The following REEP1 variants were observed in gnomAD, a reference collection of about 807,000 sequenced individuals.
REEP1 encodes receptor accessory protein 1.
REEP1 carries 22 observed loss-of-function variants against 40.3 expected under a neutral mutation model. The observed-to-expected ratio is 0.55, with a 90% CI of 0.39 to 0.78. The LOEUF (loss-of-function observed/expected upper bound fraction) is 0.78. REEP1 is among the 30% of genes least tolerant of loss of function. REEP1 has a pLI of 0.00. For synonymous variants in REEP1, 116 were observed against 139.2 expected, an observed-to-expected ratio of 0.83 and a Z score of 1.17; for missense variants, 280 against 361.1, an observed-to-expected ratio of 0.78 and a Z score of 1.82.
chr2:86,237,193 TAACA>T (rs1675407583), intron 5 of REEP1, among the ~76,000 whole-genome samples: 1 of 145,362 alleles, frequency 6.9e-6, no homozygotes, highest in African/African-American at 2.4e-5. Flanking sequence ...AGTGTTTAAT[TAACA>T]AACCATTTAA....
intron 1 of REEP1, among the ~76,000 whole-genome samples, chr2:86,305,384 T>C (rs957363948): frequency 5.3e-5 from 8 of 152,234 alleles, no homozygotes; most frequent in Admixed American, 5.2e-4. Flanking sequence ...CCCTGCACTC[T>C]GGTCTGCACC....
chr2:86,222,841 G>A (rs1674498336), intron 7 of REEP1, among the ~76,000 whole-genome samples: 1 of 152,126 alleles, frequency 6.6e-6, no homozygotes, highest in Non-Finnish European at 1.5e-5. Context: ...CCAAAAGAGG[G>A]GCACCAGGAG....
intron 1 of REEP1, among the ~76,000 whole-genome samples, chr2:86,307,678 G>A (rs753918): frequency 0.079 from 11,988 of 151,832 alleles, 777 homozygotes; most frequent in African/African-American, 0.17. Flanking sequence ...GCCATGAGCC[G>A]TGATGGCGCC....
chr2:86,249,827 G>C (rs1387609222), intron 5 of REEP1, among the ~76,000 whole-genome samples: 1 of 151,958 alleles, frequency 6.6e-6, no homozygotes, highest in Non-Finnish European at 1.5e-5. Flanking sequence ...TTCAAAAATA[G>C]AGGGCATTAT....
intron 1 of REEP1, among the ~76,000 whole-genome samples, chr2:86,319,103 G>A (rs1410866097): frequency 6.6e-6 from 1 of 152,178 alleles, no homozygotes; most frequent in Non-Finnish European, 1.5e-5. Context: ...AGAGTGTCAC[G>A]CACAGGAGAC....
intron 1 of REEP1, among the ~76,000 whole-genome samples, chr2:86,283,466 G>T (rs758914147): frequency 2.0e-4 from 31 of 152,140 alleles, no homozygotes; most frequent in Non-Finnish European, 3.8e-4. Flanking sequence ...CAAAGAGCCA[G>T]CCTAGTTACA....
chr2:86,312,043 C>T (rs1238900942), intron 1 of REEP1, among the ~76,000 whole-genome samples: 2 of 152,216 alleles, frequency 1.3e-5, no homozygotes, highest in East Asian at 3.8e-4. Flanking sequence ...TCTTTTCATT[C>T]TCACCGCCAA....
chr2:86,261,726 C>A (rs1373291019), intron 3 of REEP1, among the ~76,000 whole-genome samples: 1 of 152,190 alleles, frequency 6.6e-6, no homozygotes, highest in Non-Finnish European at 1.5e-5. Context: ...TGTAAAGGGT[C>A]TGTGCTGAGG....
chr2:86,264,222 T>C (rs1207008511), intron 2 of REEP1, among the ~76,000 whole-genome samples, 181 bp from the exon 3 acceptor site: 2 of 152,312 alleles, frequency 1.3e-5, no homozygotes, highest in East Asian at 1.9e-4. Context: ...ATCTTGAAGC[T>C]GGAAGCAAAT....
At chr2:86,268,618 C>T (rs1677268251) in intron 2 of REEP1, among the ~76,000 whole-genome samples, 1 of 151,952 alleles carries the variant, frequency 6.6e-6, no homozygotes, top group East Asian at 1.9e-4. Flanking sequence ...TTATGGATAT[C>T]AACAAACCGA....
intron 2 of REEP1, among the ~76,000 whole-genome samples, chr2:86,266,771 G>T (rs1249458971): frequency 1.3e-5 from 2 of 151,462 alleles, no homozygotes; most frequent in African/African-American, 4.8e-5. Context: ...ACTTTGGGAG[G>T]CCGAGGTGGG....
rs145704960 is a variant in REEP1, at chr2:86,300,612, G to C, written c.33-18370C>G. ...TGTGGCCAAAGAAACAGATAAGTGAGACCAGGGCCCAGGGAAGGCTTCCCA... is the reference window on the plus strand; with the variant it reads ...TGTGGCCAAAGAAACAGATAAGTGACACCAGGGCCCAGGGAAGGCTTCCCA... On this transcript the variant is annotated intron_variant, in intron 1 of 8. Coordinates refer to ENST00000538924, the MANE Select transcript of REEP1 (RefSeq NM_001371279.1). Among the ~76,000 whole-genome samples, 13 of 152,224 alleles carry C rather than the reference G, an allele frequency of 8.5e-5. No homozygotes were observed. In the South Asian group the frequency reaches 1.5e-3, roughly 17 times the overall value.
intron 1 of REEP1, among the ~76,000 whole-genome samples, chr2:86,287,947 T>C (rs1308195999): frequency 6.6e-6 from 1 of 152,262 alleles, no homozygotes; most frequent in Admixed American, 6.5e-5. Context: ...TGTTTTTTCA[T>C]TCAAACTTAT....
At chr2:86,233,424 G>GA (rs563747204) in intron 5 of REEP1, among the ~76,000 whole-genome samples, 22 of 152,050 alleles carry the variant, frequency 1.4e-4, no homozygotes, top group African/African-American at 5.1e-4. Context: ...AATCAGAAAG[G>GA]AAAAAAATGA....
intron 5 of REEP1, among the ~76,000 whole-genome samples, chr2:86,236,600 C>T (rs144671078): frequency 0.01 from 1,541 of 152,132 alleles, 25 homozygotes; most frequent in African/African-American, 0.034. Context: ...TTCTGGAGCC[C>T]AGGAGTTCAA....
At chr2:86,229,096 T>C (rs1352640065) in intron 6 of REEP1, among the ~76,000 whole-genome samples, 1 of 152,204 alleles carries the variant, frequency 6.6e-6, no homozygotes, top group Non-Finnish European at 1.5e-5. Flanking sequence ...CTGCCACCTG[T>C]CCAGGGTTTG....
intron 5 of REEP1, among the ~76,000 whole-genome samples, chr2:86,243,623 A>G (rs982202675): frequency 6.6e-6 from 1 of 152,220 alleles, no homozygotes; most frequent in African/African-American, 2.4e-5. Context: ...ACTGGTAAAA[A>G]GTCTTGCTTG....
chr2:86,310,366 A>G (rs534973828), intron 1 of REEP1, among the ~76,000 whole-genome samples: 1 of 152,318 alleles, frequency 6.6e-6, no homozygotes, highest in East Asian at 1.9e-4. Context: ...ACAACTGCCT[A>G]CAGTATTCAG....
chr2:86,316,360 G>A (rs962909813), intron 1 of REEP1, among the ~76,000 whole-genome samples: 6 of 151,860 alleles, frequency 4.0e-5, no homozygotes, highest in South Asian at 2.1e-4. Flanking sequence ...CCAACATGAT[G>A]AAACCTCATC....
Sources: gnomAD v4.1 joint callset for allele counts (sites outside exome capture counted in the v4.1 genomes callset) on GRCh38, gnomAD v4.1.1 for gene constraint, MANE v1.5 for transcripts, NCBI Gene and HGNC (gene_info 2026-07-23, HGNC 2026-07-21) for gene names.